Variants in RARB observed in about 807,000 individuals in gnomAD.
RARB encodes the protein retinoic acid receptor beta, also known as HBV-activated protein.
Under a neutral mutation model 51.9 loss-of-function variants are expected in RARB, and 17 were observed. That is an observed-to-expected ratio of 0.33 (90% CI 0.22 to 0.49). The LOEUF is 0.49. RARB is among the 20% of genes least tolerant of loss of function. RARB has a pLI of 0.99. For synonymous variants in RARB, 215 were observed against 195.4 expected, an observed-to-expected ratio of 1.10 and a Z score of -0.84; for missense variants, 369 against 550.8, an observed-to-expected ratio of 0.67 and a Z score of 3.30.
At chr3:25,070,948 A>T (rs1419161877) in intron 3 of RARB, among the ~76,000 whole-genome samples, 1 of 152,168 alleles carries the variant, frequency 6.6e-6, no homozygotes, top group Non-Finnish European at 1.5e-5. Context: ...AGCCAGAGTG[A>T]ATTCTTCACA....
chr3:24,980,729 A>T (rs1325642335), intron 2 of RARB, among the ~76,000 whole-genome samples: 1 of 152,038 alleles, frequency 6.6e-6, no homozygotes, highest in Non-Finnish European at 1.5e-5. Flanking sequence ...TAGCTCAGAT[A>T]AGTTTGTTAT....
At chr3:25,218,257 GT>G (rs1280272416) in intron 5 of RARB, among the ~76,000 whole-genome samples, 1 of 152,058 alleles carries the variant, frequency 6.6e-6, no homozygotes, top group Non-Finnish European at 1.5e-5. Context: ...TCCTGGCACT[GT>G]TTCAGGAATG....
chr3:24,902,621 C>A (rs1225841355), intron 2 of RARB, among the ~76,000 whole-genome samples: 1 of 152,116 alleles, frequency 6.6e-6, no homozygotes, highest in Non-Finnish European at 1.5e-5. Context: ...CTGACCTCCC[C>A]CTTTTATCTC....
chr3:25,009,719 C>T (rs1188797561), intron 2 of RARB, among the ~76,000 whole-genome samples: 2 of 152,088 alleles, frequency 1.3e-5, no homozygotes. Context: ...GTCTCCCTTT[C>T]CAGCTTTCTG....
In RARB at chr3:25,428,588, A is replaced by C. The variant is rs1335706736; in HGVS notation, c.-144A>C. On this transcript the variant is annotated 5_prime_UTR_variant, in exon 1 of 8. The change abolishes an upstream ATG in the 5' untranslated region. Coordinates refer to ENST00000330688, the MANE Select transcript of RARB (RefSeq NM_000965.5). Reference sequence around the variant, plus strand: ...TTAGCTGGCTTGTCTGTCATAATTCATGATTCGGGGCTGGGAAAAAGACCA... The same window carrying C: ...TTAGCTGGCTTGTCTGTCATAATTCCTGATTCGGGGCTGGGAAAAAGACCA... 1.0e-5 allele frequency: 14 copies of C among 1,383,268 alleles called. No homozygotes were observed. Among genetic ancestry groups the C allele is most frequent in the Non-Finnish European group, 1.3e-5 (14 of 1,062,178 alleles). The allele number at this position is 1,383,268 out of a possible 1,614,324, so 85.7% of individuals were successfully genotyped here. A position where few individuals can be genotyped will look rare whatever the true frequency, so the allele number is the denominator to read the frequency against.
chr3:25,266,421 A>C (rs1010898252), intron 5 of RARB, among the ~76,000 whole-genome samples: 1 of 152,086 alleles, frequency 6.6e-6, no homozygotes, highest in African/African-American at 2.4e-5. Flanking sequence ...GTTGACCTCA[A>C]TTATTTATTG....
At chr3:25,030,724 T>TG (rs1347868816) in intron 2 of RARB, among the ~76,000 whole-genome samples, 1 of 152,190 alleles carries the variant, frequency 6.6e-6, no homozygotes, top group East Asian at 1.9e-4. Context: ...TACTGGGCCC[T>TG]GCTGAAGATC....
At chr3:25,294,657 G>A (rs1703875817) in intron 5 of RARB, among the ~76,000 whole-genome samples, 1 of 149,374 alleles carries the variant, frequency 6.7e-6, no homozygotes, top group African/African-American at 2.5e-5. Context: ...TGTGGGAGAA[G>A]CCACCTAAGG....
At chr3:25,500,436 C>CTTTTTTTTTTTTT (rs1697239640) in intron 2 of RARB, among the ~76,000 whole-genome samples, 1 of 77,554 alleles carries the variant, frequency 1.3e-5, no homozygotes, top group African/African-American at 4.9e-5. Context: ...CAAATAATTT[C>CTTTTTTTTTTTTT]TTTTTCTTTC....
At chr3:25,544,947 TTTG>T (rs10674681) in intron 3 of RARB, among the ~76,000 whole-genome samples, 80 of 151,818 alleles carry the variant, frequency 5.3e-4, no homozygotes, top group South Asian at 3.3e-3. Flanking sequence ...GTCTGTACAT[TTTG>T]TTGTTGTTGT....
chr3:25,517,050 G>A (rs1364864441), intron 3 of RARB, among the ~76,000 whole-genome samples: 2 of 152,144 alleles, frequency 1.3e-5, no homozygotes, highest in Admixed American at 1.3e-4. Flanking sequence ...AATTAATCCA[G>A]CATTCGAAAT....
intron 2 of RARB, among the ~76,000 whole-genome samples, chr3:24,889,610 T>C (rs1015580074): frequency 1.8e-4 from 28 of 152,042 alleles, no homozygotes; most frequent in African/African-American, 6.8e-4. Context: ...TTTTAATTTC[T>C]ATTATTTGAG....
chr3:25,028,368 G>A (rs927637392), intron 2 of RARB, among the ~76,000 whole-genome samples: 7 of 152,144 alleles, frequency 4.6e-5, no homozygotes, highest in African/African-American at 7.2e-5. Context: ...TCTTTATGCC[G>A]GTGGTTCCCA....
At chr3:25,103,195 A>G (rs1699436850) in intron 3 of RARB, among the ~76,000 whole-genome samples, 1 of 152,006 alleles carries the variant, frequency 6.6e-6, no homozygotes, top group Non-Finnish European at 1.5e-5. Flanking sequence ...TGGGTGGGAG[A>G]AGCATTTTAC....
chr3:25,065,242 A>G (rs1575143379), intron 3 of RARB, among the ~76,000 whole-genome samples: 1 of 151,942 alleles, frequency 6.6e-6, no homozygotes, highest in Middle Eastern at 3.4e-3. Context: ...TGTTTTGTGT[A>G]TCATTTTCTC....
chr3:25,512,564 C>A (rs1697948452), intron 3 of RARB, among the ~76,000 whole-genome samples: 1 of 152,256 alleles, frequency 6.6e-6, no homozygotes, highest in Admixed American at 6.5e-5. Context: ...TCACTGACCA[C>A]TCGGTGTCCT....
chr3:25,010,199 C>A (rs563509250), intron 2 of RARB, among the ~76,000 whole-genome samples: 183 of 152,164 alleles, frequency 1.2e-3, no homozygotes, highest in African/African-American at 4.2e-3. Flanking sequence ...AATTTTACAC[C>A]TTTCTCCATC....
At chr3:25,052,662 T>C (rs1047956107) in intron 2 of RARB, among the ~76,000 whole-genome samples, 1 of 152,318 alleles carries the variant, frequency 6.6e-6, no homozygotes, top group Non-Finnish European at 1.5e-5. Flanking sequence ...AGTATTTTCC[T>C]GAAGGTTAGT....
intron 1 of RARB, among the ~76,000 whole-genome samples, chr3:25,447,517 A>G (rs1339015051): frequency 1.3e-5 from 2 of 152,236 alleles, no homozygotes; most frequent in Non-Finnish European, 2.9e-5. Flanking sequence ...GTTTGTCAGC[A>G]GTTGATGTTG....
Sources: gnomAD v4.1 joint callset for allele counts (sites outside exome capture counted in the v4.1 genomes callset) on GRCh38, gnomAD v4.1.1 for gene constraint, MANE v1.5 for transcripts, NCBI Gene and HGNC (gene_info 2026-07-23, HGNC 2026-07-21) for gene names.